Variants in BRWD3 observed in about 807,000 individuals in gnomAD.
BRWD3 encodes the protein bromodomain and WD repeat-containing protein 3.
Under a neutral mutation model 149.7 loss-of-function variants are expected in BRWD3, and 10 were observed. The observed-to-expected ratio is 0.07, with a 90% CI of 0.04 to 0.11. BRWD3 has a LOEUF of 0.11. Ranked by LOEUF, BRWD3 falls within the 10% of genes least tolerant of loss-of-function variation. BRWD3 has a pLI of 1.00. For synonymous variants in BRWD3, 504 were observed against 456.7 expected (o/e 1.10, Z -1.32); for missense variants, 940 against 1,373.2 (o/e 0.68, Z 4.99).
chrX:80,763,191 T>C (rs1183287655), intron 6 of BRWD3, among the ~76,000 whole-genome samples: 1 of 111,565 alleles, frequency 9.0e-6, no homozygotes, highest in Non-Finnish European at 1.9e-5. Context: ...CCTTTTTAAA[T>C]ATGTAGAAAT....
intron 4 of BRWD3, among the ~76,000 whole-genome samples, chrX:80,806,322 A>C (rs1396330416): frequency 8.9e-6 from 1 of 112,269 alleles, no homozygotes; most frequent in African/African-American, 3.2e-5. Flanking sequence ...AATTTTATTT[A>C]ATTCCTTAAA....
chrX:80,726,264 G>A (rs1255095340), intron 14 of BRWD3, among the ~76,000 whole-genome samples: 3 of 92,335 alleles, frequency 3.2e-5, no homozygotes, highest in Non-Finnish European at 4.3e-5. Flanking sequence ...CATATAACAC[G>A]TTTACATGTT....
intron 40 of BRWD3, among the ~76,000 whole-genome samples, chrX:80,677,787 A>G (rs1449794278): frequency 8.9e-6 from 1 of 112,285 alleles, no homozygotes; most frequent in Non-Finnish European, 1.9e-5. Flanking sequence ...ACCTTGAAAG[A>G]TAACAAAGTG....
chrX:80,742,237 G>T (rs909103974), intron 8 of BRWD3, among the ~76,000 whole-genome samples: 2 of 110,510 alleles, frequency 1.8e-5, no homozygotes, highest in African/African-American at 3.3e-5. Flanking sequence ...GTGGCATTAT[G>T]TCTGAGTGCT....
intron 11 of BRWD3, among the ~76,000 whole-genome samples, chrX:80,733,914 T>A (rs915165312): frequency 9.0e-6 from 1 of 111,662 alleles, no homozygotes; most frequent in Non-Finnish European, 1.9e-5. Context: ...AATGGAATCA[T>A]CTGACAATCT....
At chrX:80,795,055 T>C (rs754618036) in intron 4 of BRWD3, among the ~76,000 whole-genome samples, 1 of 111,170 alleles carries the variant, frequency 9.0e-6, no homozygotes, top group South Asian at 3.7e-4. Context: ...CAAAATTCCT[T>C]GAAACAAAAA....
At chrX:80,731,830 G>C (rs894218219) in intron 12 of BRWD3, among the ~76,000 whole-genome samples, 1 of 97,367 alleles carries the variant, frequency 1.0e-5, no homozygotes, top group Non-Finnish European at 2.0e-5. Flanking sequence ...GGGAGGCGGA[G>C]CTTGCAGTGA....
intron 4 of BRWD3, 101 bp downstream of exon 4, chrX:80,808,438 T>G (rs2147875279): frequency 1.5e-6 from 1 of 659,301 alleles, no homozygotes; most frequent in East Asian, 3.6e-5. Context: ...CACCGAGCTC[T>G]AGAACCTCGT....
chrX:80,721,126 T>G (rs765884439), intron 17 of BRWD3, among the ~76,000 whole-genome samples: 1 of 112,317 alleles, frequency 8.9e-6, no homozygotes, highest in Admixed American at 9.5e-5. Flanking sequence ...AGTACAAAAT[T>G]TTTATATACA....
intron 4 of BRWD3, among the ~76,000 whole-genome samples, chrX:80,794,593 A>G (rs2074218471): frequency 9.0e-6 from 1 of 110,591 alleles, no homozygotes; most frequent in South Asian, 3.7e-4. Flanking sequence ...TATTCCATAT[A>G]CATATGGAAT....
intron 12 of BRWD3, chrX:80,733,237 G>C: frequency 3.0e-6 from 1 of 331,397 alleles, no homozygotes; most frequent in Non-Finnish European, 5.3e-6. Flanking sequence ...AATAAACAAA[G>C]AAGAAAGCAC....
intron 6 of BRWD3, among the ~76,000 whole-genome samples, chrX:80,787,098 C>T (rs2074116537): frequency 9.0e-6 from 1 of 110,775 alleles, no homozygotes; most frequent in Admixed American, 9.7e-5. Context: ...AATCAAAAAT[C>T]TTAAAAATAC....
intron 20 of BRWD3, among the ~76,000 whole-genome samples, chrX:80,711,429 G>A (rs2072966330): frequency 8.9e-6 from 1 of 111,800 alleles, no homozygotes; most frequent in South Asian, 3.7e-4. Flanking sequence ...GAGAAAGAAG[G>A]AAATCAAAAT....
At chrX:80,679,171 T>C in intron 40 of BRWD3, among the ~76,000 whole-genome samples, 1 of 112,039 alleles carries the variant, frequency 8.9e-6, no homozygotes, top group African/African-American at 3.2e-5. Context: ...GGTATCTTGT[T>C]ATGGAAACCC....
At chrX:80,695,278 G>GTC (rs1158832854) in intron 27 of BRWD3, among the ~76,000 whole-genome samples, 1 of 111,694 alleles carries the variant, frequency 9.0e-6, no homozygotes, top group Non-Finnish European at 1.9e-5. Flanking sequence ...AAATTACCCA[G>GTC]TCTCAGGTAG....
Position 80,809,504 on chromosome X carries a change from C to T in BRWD3, c.-33G>A. The T allele has an allele frequency of 9.0e-6, 4 of 446,629 alleles. No homozygotes were observed. The highest frequency in any genetic ancestry group is 3.9e-5 in the Admixed American group (1 of 25,458). The allele number at this position is 446,629 out of a possible 1,213,427, so 36.8% of individuals were successfully genotyped here. On this transcript the variant is annotated 5_prime_UTR_variant, in exon 1 of 41. Transcript: ENST00000373275. ...CCGAGGGGGTTTGGGGGCTTCGCTC[C>T]GGAGGGGCTGGCGGGGGCGGGTGGG...
chrX:80,703,722 G>C (rs2072823106), intron 23 of BRWD3, 129 bp from the exon 24 acceptor site: 4 of 454,472 alleles, frequency 8.8e-6, no homozygotes, highest in Non-Finnish European at 1.5e-5. Context: ...GAAACCTAAA[G>C]TATATAAATT....
At chrX:80,793,900 T>C in intron 4 of BRWD3, 128 bp from the exon 5 acceptor site, 1 of 711,999 alleles carries the variant, frequency 1.4e-6, no homozygotes, top group Non-Finnish European at 2.1e-6. Flanking sequence ...GAATCAGGCC[T>C]GGGCGCGATG....
intron 16 of BRWD3, among the ~76,000 whole-genome samples, chrX:80,723,528 T>TCATCATCC (rs2073179741): frequency 2.7e-5 from 3 of 109,614 alleles, no homozygotes; most frequent in Admixed American, 9.6e-5. Context: ...TGTTTATATC[T>TCATCATCC]TCATCACCCT....
Sources: allele counts gnomAD v4.1 joint callset (sites outside exome capture counted in the v4.1 genomes callset), GRCh38; gene constraint gnomAD v4.1.1; transcripts MANE v1.5; gene names NCBI Gene and HGNC (gene_info 2026-07-23, HGNC 2026-07-21).